The following UHRF1 variants were observed in gnomAD, a reference collection of about 807,000 sequenced individuals.
UHRF1 encodes the protein ubiquitin like with PHD and ring finger domains 1, also known as E3 ubiquitin-protein ligase UHRF1.
Under a neutral mutation model 96.5 loss-of-function variants are expected in UHRF1, and 9 were observed. The ratio of observed to expected loss-of-function variants is 0.09; its 90% CI spans 0.06 to 0.16. The LOEUF is 0.16. Ranked by LOEUF, UHRF1 falls within the 10% of genes least tolerant of loss-of-function variation. The pLI, the probability that UHRF1 is intolerant of heterozygous loss-of-function variation, is 1.00. For synonymous variants in UHRF1, 455 were observed against 469.9 expected, an observed-to-expected ratio of 0.97 and a Z score of 0.41; for missense variants, 626 against 1,131.1, an observed-to-expected ratio of 0.55 and a Z score of 6.40.
rs1010775851 is a variant in UHRF1 at position 4,944,335 on chromosome 19, T to C, written c.1198-8T>C. 1 of 1,613,906 alleles carries C rather than the reference T, an allele frequency of 6.2e-7. No homozygotes were observed. Among genetic ancestry groups the C allele is most frequent in the African/African-American group, 1.3e-5 (1 of 74,950 alleles). On this transcript the variant is annotated splice_region_variant and splice_polypyrimidine_tract_variant and intron_variant, in intron 8 of 16. Coordinates refer to ENST00000650932, the MANE Select transcript of UHRF1 (RefSeq NM_001048201.3). Reference sequence around the variant, plus strand: ...CGCTGTTGTTCTTTGTGTCTGTGCCTGGGACAGGGCATGGCCTGTGTGGGC... The same window carrying C: ...CGCTGTTGTTCTTTGTGTCTGTGCCCGGGACAGGGCATGGCCTGTGTGGGC...
intron 5 of UHRF1, among the ~76,000 whole-genome samples, chr19:4,936,408 G>A (rs1345753717): frequency 8.5e-5 from 13 of 152,292 alleles, no homozygotes; most frequent in Admixed American, 5.2e-4. Flanking sequence ...TGCGTGCTCT[G>A]AGACAACACG....
intron 5 of UHRF1, among the ~76,000 whole-genome samples, chr19:4,939,257 G>C (rs549760039): frequency 6.4e-4 from 95 of 149,008 alleles, no homozygotes; most frequent in African/African-American, 2.3e-3. Flanking sequence ...CGGTAGCAAT[G>C]GGGGTCTGGC....
intron 7 of UHRF1, among the ~76,000 whole-genome samples, chr19:4,943,494 T>TC (rs1487749090): frequency 1.8e-5 from 2 of 110,802 alleles, no homozygotes; most frequent in Admixed American, 9.2e-5. Context: ...GTTGTTGCCC[T>TC]GCCCCCCCTC....
upstream of UHRF1, chr19:4,909,431 C>G (rs1351030671): frequency 1.5e-6 from 1 of 651,300 alleles, no homozygotes. Flanking sequence ...AGGAGGCAGG[C>G]GCCCGCCCCC....
chr19:4,927,617 C>T (rs1432977394), intron 2 of UHRF1, among the ~76,000 whole-genome samples: 1 of 152,210 alleles, frequency 6.6e-6, no homozygotes, highest in Non-Finnish European at 1.5e-5. Flanking sequence ...TAAGGTCTCT[C>T]TCCTCCCTTT....
intron 8 of UHRF1, 33 bp downstream of exon 8, chr19:4,944,288 C>T (rs781320086): frequency 1.2e-5 from 19 of 1,613,808 alleles, no homozygotes; most frequent in Middle Eastern, 1.6e-4. Context: ...GCCCGTGGCC[C>T]CTCCCCGCCT....
At chr19:4,910,496 TA>T (rs2032222880) in intron 1 of UHRF1, 1 of 164,048 alleles carries the variant, frequency 6.1e-6, no homozygotes, top group Non-Finnish European at 1.3e-5. Flanking sequence ...CCCTCTTCCG[TA>T]AATAGGAATC....
intron 13 of UHRF1, among the ~76,000 whole-genome samples, chr19:4,953,673 C>T (rs1359292733): frequency 6.6e-6 from 1 of 152,024 alleles, no homozygotes; most frequent in Non-Finnish European, 1.5e-5. Context: ...GCTATGTTGC[C>T]CAGGCTGGTC....
chr19:4,932,322 C>T (rs2033079448), intron 4 of UHRF1, among the ~76,000 whole-genome samples: 1 of 152,238 alleles, frequency 6.6e-6, no homozygotes, highest in African/African-American at 2.4e-5. Context: ...CCCGCTTCGG[C>T]CTCCCAAAGT....
intron 4 of UHRF1, 140 bp from the exon 5 acceptor site, chr19:4,932,601 T>C: frequency 1.2e-6 from 1 of 851,386 alleles, no homozygotes; most frequent in Non-Finnish European, 1.8e-6. Flanking sequence ...TACCTGTGTG[T>C]TCTCAACACC....
chr19:4,953,296 A>T (rs1333068263), intron 13 of UHRF1, among the ~76,000 whole-genome samples: 1 of 152,188 alleles, frequency 6.6e-6, no homozygotes, highest in Non-Finnish European at 1.5e-5. Context: ...GCTTGAAACC[A>T]GAGAGTACCA....
At chr19:4,919,916 C>G (rs1039760617) in intron 2 of UHRF1, among the ~76,000 whole-genome samples, 2 of 151,888 alleles carry the variant, frequency 1.3e-5, no homozygotes, top group Admixed American at 6.6e-5. Flanking sequence ...CTCCCGGGTT[C>G]AAGCGATTCT....
At chr19:4,920,006 G>A (rs1599249503) in intron 2 of UHRF1, among the ~76,000 whole-genome samples, 1 of 151,976 alleles carries the variant, frequency 6.6e-6, no homozygotes. Context: ...TAGTAGAGAC[G>A]GAGTTTCTCC....
intron 1 of UHRF1, among the ~76,000 whole-genome samples, chr19:4,904,091 C>G (rs1354991525): frequency 1.3e-5 from 2 of 152,208 alleles, no homozygotes; most frequent in African/African-American, 2.4e-5. Context: ...ATTCTCCTGC[C>G]TCAGCCTCCC....
At chr19:4,932,213 G>A (rs529640840) in intron 4 of UHRF1, among the ~76,000 whole-genome samples, 1 of 151,542 alleles carries the variant, frequency 6.6e-6, no homozygotes, top group East Asian at 1.9e-4. Flanking sequence ...ATGAGCCACC[G>A]TGCCCGGCCA....
At chr19:4,943,230 C>T (rs2033459605) in intron 7 of UHRF1, among the ~76,000 whole-genome samples, 1 of 151,372 alleles carries the variant, frequency 6.6e-6, no homozygotes, top group African/African-American at 2.4e-5. Context: ...CAGAGTGAGA[C>T]TAAGTCTCAA....
Position 4,954,293 on chromosome 19 carries a change from T to C in UHRF1, c.1819-57T>C. On this transcript the variant is annotated intron_variant, in intron 13 of 16. Coordinates refer to ENST00000650932, the MANE Select transcript of UHRF1 (RefSeq NM_001048201.3). The surrounding 1 kb of genome is among the most constrained non-coding windows in gnomAD (Gnocchi z 5.9). The stretch of plus-strand genomic sequence containing the variant: ...TGGCAAGGAGGCTGGAAGAGCGGGC[T>C]CTGCATAGCGTGTGGGCCCCAAGCC... 6.3e-7 allele frequency: 1 copy of C among 1,586,326 alleles called. No homozygotes were observed. Among genetic ancestry groups the C allele is most frequent in the Non-Finnish European group, 8.6e-7 (1 of 1,167,206 alleles).
rs187520066 is a variant in UHRF1, at chr19:4,942,340, G to A, written c.1073+409G>A. On this transcript the variant is annotated intron_variant, in intron 7 of 16. Coordinates refer to ENST00000650932, the MANE Select transcript of UHRF1 (RefSeq NM_001048201.3). ...CGAGTAGCTGGGACTACAGGCGCCC[G>A]CCTCCACGCCTGGCTAATTTTTTGT... 4.0e-3 allele frequency among the ~76,000 whole-genome samples: 601 copies of A among 151,924 alleles called. 4 individuals are homozygous for A. The highest frequency in any genetic ancestry group is 0.013 in the African/African-American group (550 of 41,454).
chr19:4,925,006 T>C (rs62112538), intron 2 of UHRF1, among the ~76,000 whole-genome samples: 8,899 of 151,998 alleles, frequency 0.059, 370 homozygotes, highest in Non-Finnish European at 0.083. Flanking sequence ...TTTGTATTTT[T>C]AGTAGAGACG....
Sources: allele counts gnomAD v4.1 joint callset (sites outside exome capture counted in the v4.1 genomes callset), GRCh38; gene constraint gnomAD v4.1.1; non-coding constraint Gnocchi (gnomAD v3.1); transcripts MANE v1.5; gene names NCBI Gene and HGNC (gene_info 2026-07-23, HGNC 2026-07-21).